The following BRINP3 variants were observed in gnomAD, a reference collection of about 807,000 sequenced individuals.
BRINP3 encodes BMP/retinoic acid-inducible neural-specific protein 3.
In BRINP3, 19 loss-of-function variants were observed where a neutral mutation model predicts 71.0. The ratio of observed to expected loss-of-function variants is 0.27; its 90% CI spans 0.19 to 0.39. The LOEUF (loss-of-function observed/expected upper bound fraction) is 0.39, where lower values mean the gene tolerates loss of function less well. BRINP3 is among the 10% of genes least tolerant of loss of function. The pLI, the probability that BRINP3 is intolerant of heterozygous loss-of-function variation, is 1.00. For synonymous variants in BRINP3, 380 were observed against 337.7 expected (o/e 1.13, Z -1.37); for missense variants, 959 against 940.8 (o/e 1.02, Z -0.25).
At chr1:190,322,092 G>A (rs532703648) in intron 2 of BRINP3, among the ~76,000 whole-genome samples, 4 of 152,022 alleles carry the variant, frequency 2.6e-5, no homozygotes, top group South Asian at 4.2e-4. Context: ...GGAAATAATA[G>A]TATTTTAAAT....
intron 3 of BRINP3, among the ~76,000 whole-genome samples, chr1:190,275,295 T>C (rs2102912645): frequency 6.6e-6 from 1 of 151,718 alleles, no homozygotes; most frequent in South Asian, 2.1e-4. Flanking sequence ...CTTGCTATGA[T>C]TTTTTTAAGA....
intron 2 of BRINP3, among the ~76,000 whole-genome samples, chr1:190,327,710 A>G (rs887322601): frequency 6.6e-6 from 1 of 152,170 alleles, no homozygotes; most frequent in Non-Finnish European, 1.5e-5. Context: ...GGGGACTTCA[A>G]TACTCCACTG....
In BRINP3 at chr1:190,221,283, T is replaced by C. The variant is rs140811718; in HGVS notation, c.961+4799A>G. Among the ~76,000 whole-genome samples the C allele has an allele frequency of 5.3e-3, 808 of 152,210 alleles. 4 individuals carry two copies. Among genetic ancestry groups the C allele is most frequent in the African/African-American group, 0.019 (769 of 41,552 alleles). On this transcript the variant is annotated intron_variant, in intron 6 of 7. Transcript: ENST00000367462. ...AAGTAAACATGTGGGTGAGTGGAGT[T>C]AAAGTGTAAAATTTTTTGTGTGCTT...
At chr1:190,316,364 GT>G (rs1482721874) in intron 2 of BRINP3, among the ~76,000 whole-genome samples, 1 of 152,058 alleles carries the variant, frequency 6.6e-6, no homozygotes, top group Non-Finnish European at 1.5e-5. Context: ...TAGTTAATGT[GT>G]GGCAGAGTCA....
chr1:190,248,243 TTGC>T (rs941930230), intron 4 of BRINP3, among the ~76,000 whole-genome samples: 5 of 151,786 alleles, frequency 3.3e-5, no homozygotes, highest in African/African-American at 7.2e-5. Context: ...AAAAGTACTT[TTGC>T]TTTTATTTTC....
chr1:190,221,268 G>A (rs936481102), intron 6 of BRINP3, among the ~76,000 whole-genome samples: 1 of 152,034 alleles, frequency 6.6e-6, no homozygotes, highest in African/African-American at 2.4e-5. Flanking sequence ...AAGTAAACAT[G>A]TGGGTGAGTG....
intron 2 of BRINP3, among the ~76,000 whole-genome samples, chr1:190,307,705 C>T (rs898090026): frequency 2.6e-5 from 4 of 151,398 alleles, no homozygotes; most frequent in African/African-American, 9.7e-5. Flanking sequence ...CCACCTCCCT[C>T]GAAAAAAAGA....
intron 4 of BRINP3, among the ~76,000 whole-genome samples, chr1:190,240,368 T>C (rs1658946719): frequency 6.6e-6 from 1 of 152,114 alleles, no homozygotes; most frequent in Admixed American, 6.6e-5. Context: ...TAAATTTATA[T>C]AGTTTATATT....
At chr1:190,136,203 T>C (rs1654965821) in intron 7 of BRINP3, among the ~76,000 whole-genome samples, 1 of 152,132 alleles carries the variant, frequency 6.6e-6, no homozygotes. Context: ...AATATATTGC[T>C]ATCATTTTTT....
intron 6 of BRINP3, among the ~76,000 whole-genome samples, chr1:190,171,313 T>A (rs1230985980): frequency 6.6e-6 from 1 of 152,186 alleles, no homozygotes; most frequent in Non-Finnish European, 1.5e-5. Flanking sequence ...CAACATCTAA[T>A]GGAGAGAGAA....
intron 2 of BRINP3, among the ~76,000 whole-genome samples, chr1:190,409,144 G>A (rs1016325169): frequency 3.3e-5 from 5 of 152,120 alleles, no homozygotes; most frequent in African/African-American, 1.2e-4. Context: ...GCTCTCGCCT[G>A]TAATCCCAGC....
intron 2 of BRINP3, among the ~76,000 whole-genome samples, chr1:190,401,412 A>T (rs1054683722): frequency 1.3e-5 from 2 of 151,774 alleles, no homozygotes; most frequent in African/African-American, 4.8e-5. Context: ...AAGAAAAGCA[A>T]ACAATCAAAA....
intron 2 of BRINP3, among the ~76,000 whole-genome samples, chr1:190,333,712 C>A (rs1667109341): frequency 6.6e-6 from 1 of 151,878 alleles, no homozygotes; most frequent in South Asian, 2.1e-4. Flanking sequence ...ATTACCTTAA[C>A]AACATCCATA....
In BRINP3 at chr1:190,177,266, C is replaced by T. The variant is rs568026525; in HGVS notation, c.962-16376G>A. Among the ~76,000 whole-genome samples, 113 of 147,608 alleles carry T rather than the reference C, an allele frequency of 7.7e-4. 1 individual carries two copies. Among genetic ancestry groups the T allele is most frequent in the Non-Finnish European group, 1.4e-3 (92 of 67,250 alleles). On this transcript the variant is annotated intron_variant, in intron 6 of 7. Transcript: ENST00000367462. Reference sequence around the variant, plus strand: ...CAAACTCTGCCTCCCAGATTTACGCCATTCTCCTGCCTCAGTCTCCTGAGT... The same window carrying T: ...CAAACTCTGCCTCCCAGATTTACGCTATTCTCCTGCCTCAGTCTCCTGAGT...
chr1:190,143,058 T>C (rs904758314), intron 7 of BRINP3, among the ~76,000 whole-genome samples: 1 of 152,162 alleles, frequency 6.6e-6, no homozygotes, highest in Non-Finnish European at 1.5e-5. Context: ...AAAGTAAAGA[T>C]GATTTGCAAG....
intron 6 of BRINP3, among the ~76,000 whole-genome samples, chr1:190,192,610 A>T (rs555601419): frequency 3.3e-5 from 5 of 152,062 alleles, no homozygotes; most frequent in Non-Finnish European, 2.9e-5. Context: ...TTCAGTAAAG[A>T]TAACTATTAC....
At chr1:190,230,662 T>G (rs1245545974) in intron 5 of BRINP3, among the ~76,000 whole-genome samples, 1 of 151,882 alleles carries the variant, frequency 6.6e-6, no homozygotes, top group Non-Finnish European at 1.5e-5. Flanking sequence ...TATGTATGTA[T>G]AGTGAGTGTA....
chr1:190,274,616 C>T (rs113486449), intron 3 of BRINP3, among the ~76,000 whole-genome samples: 78 of 151,694 alleles, frequency 5.1e-4, no homozygotes, highest in African/African-American at 1.8e-3. Flanking sequence ...CAATGATAAG[C>T]CATATTATTA....
At chr1:190,253,924 A>C (rs918158865) in intron 4 of BRINP3, among the ~76,000 whole-genome samples, 15 of 152,160 alleles carry the variant, frequency 9.9e-5, no homozygotes, top group Admixed American at 8.5e-4. Flanking sequence ...TCTTCGATTC[A>C]TCTTGAATTA....
Sources: gnomAD v4.1 joint callset for allele counts (sites outside exome capture counted in the v4.1 genomes callset) on GRCh38, gnomAD v4.1.1 for gene constraint, MANE v1.5 for transcripts, NCBI Gene and HGNC (gene_info 2026-07-23, HGNC 2026-07-21) for gene names.